ENPEP: variants seen among roughly 807,000 people sequenced by gnomAD.
ENPEP encodes the protein AP-A.
In ENPEP, 103 loss-of-function variants were observed where a neutral mutation model predicts 114.5. That is an observed-to-expected ratio of 0.90 (90% CI 0.77 to 1.06). The LOEUF (loss-of-function observed/expected upper bound fraction) is 1.06. ENPEP is among the 50% of genes least tolerant of loss of function. ENPEP has a pLI of 0.00. For synonymous variants in ENPEP, 420 were observed against 422.0 expected (o/e 1.00, Z 0.06); for missense variants, 1,196 against 1,161.3 (o/e 1.03, Z -0.43).
chr4:110,534,135 C>T (rs1175091413), intron 11 of ENPEP, among the ~76,000 whole-genome samples: 1 of 152,192 alleles, frequency 6.6e-6, no homozygotes, highest in African/African-American at 2.4e-5. Flanking sequence ...AATGGGCAAC[C>T]AGCTCATGTT....
intron 11 of ENPEP, among the ~76,000 whole-genome samples, chr4:110,534,808 C>T (rs955668832): frequency 1.3e-5 from 2 of 151,804 alleles, no homozygotes; most frequent in Non-Finnish European, 2.9e-5. Context: ...CGCGCCTGGC[C>T]TCTCTTTTTT....
At chr4:110,499,279 T>C (rs1314779409) in intron 3 of ENPEP, among the ~76,000 whole-genome samples, 1 of 152,220 alleles carries the variant, frequency 6.6e-6, no homozygotes, top group Non-Finnish European at 1.5e-5. Context: ...TTATGTGTTA[T>C]TTAATACTCG....
At chr4:110,540,547 A>G (rs2110384579) in intron 11 of ENPEP, among the ~76,000 whole-genome samples, 1 of 152,250 alleles carries the variant, frequency 6.6e-6, no homozygotes, top group South Asian at 2.1e-4. Flanking sequence ...GCTATTGACA[A>G]CTGTTCCAAA....
In ENPEP at chr4:110,561,553, G is replaced by T; in HGVS notation, c.2869G>T (p.Gly957Cys). The T allele has an allele frequency of 6.2e-7, 1 of 1,609,924 alleles. No homozygotes were observed. The highest frequency in any genetic ancestry group is 8.5e-7 in the Non-Finnish European group (1 of 1,178,872). ...REWFFNLLESG is the reference protein window; with the variant it reads ...REWFFNLLESC Reference sequence around the variant, plus strand: ...ATGGTTTTTTAATTTACTTGAGAGTGGTTAATGTATTCAAATGTTAGAGTT... The same window carrying T: ...ATGGTTTTTTAATTTACTTGAGAGTTGTTAATGTATTCAAATGTTAGAGTT... The change falls in exon 20 of 20, where the codon GGT becomes TGT. Residue 957 changes from glycine (G) to cysteine (C), a missense_variant. By Grantham distance (159) the Gly-to-Cys change is radical. Transcript: ENST00000265162.
chr4:110,549,995 A>G (rs867212653), intron 17 of ENPEP, 109 bp downstream of exon 17: 1 of 1,093,894 alleles, frequency 9.1e-7, no homozygotes, highest in Non-Finnish European at 1.3e-6. Flanking sequence ...AAAAAAATCC[A>G]TTAAAAGTTA....
chr4:110,504,068 G>T (rs917155374), intron 3 of ENPEP, among the ~76,000 whole-genome samples: 3 of 152,220 alleles, frequency 2.0e-5, no homozygotes, highest in African/African-American at 7.2e-5. Flanking sequence ...CTTGGAGCAA[G>T]CTCAGGCTTT....
intron 3 of ENPEP, among the ~76,000 whole-genome samples, chr4:110,503,932 G>T (rs1432844470): frequency 6.6e-6 from 1 of 152,172 alleles, no homozygotes. Flanking sequence ...CAGCCACAAG[G>T]CTCCTCTGTG....
chr4:110,562,568 T>C lies in ENPEP; in HGVS notation c.*1010T>C, dbSNP rs1347182224. 6.6e-6 allele frequency: 1 copy of C among 152,180 alleles called. No homozygotes were observed. The highest frequency in any genetic ancestry group is 2.4e-5 in the African/African-American group (1 of 41,464). The allele number at this position is 152,180 out of a possible 1,614,324, so 9.4% of individuals were successfully genotyped here. ...GACCTGTGGGCATCCCCAGCATGACTCTGCATATCTGAGCATATATCTCCT... is the reference window on the plus strand; with the variant it reads ...GACCTGTGGGCATCCCCAGCATGACCCTGCATATCTGAGCATATATCTCCT... On this transcript the variant is annotated 3_prime_UTR_variant, in exon 20 of 20. Transcript: ENST00000265162.
At chr4:110,550,779 ATACT>A (rs1432822989) in intron 17 of ENPEP, among the ~76,000 whole-genome samples, 8 of 152,268 alleles carry the variant, frequency 5.3e-5, no homozygotes, top group South Asian at 2.1e-4. Context: ...TATCCTTGAG[ATACT>A]TACAGCTTCA....
intron 4 of ENPEP, among the ~76,000 whole-genome samples, chr4:110,508,672 G>A (rs1162277801): frequency 6.6e-6 from 1 of 152,126 alleles, no homozygotes; most frequent in Non-Finnish European, 1.5e-5. Context: ...TTAGCCAGGC[G>A]CGGTGGCGGG....
chr4:110,492,087 T>G (rs1448546477), intron 3 of ENPEP, among the ~76,000 whole-genome samples: 1 of 152,098 alleles, frequency 6.6e-6, no homozygotes, highest in East Asian at 1.9e-4. Context: ...GAGGCCCCCA[T>G]TTTGCTTATA....
At chr4:110,496,283 G>A (rs1369748610) in intron 3 of ENPEP, among the ~76,000 whole-genome samples, 5 of 152,072 alleles carry the variant, frequency 3.3e-5, no homozygotes, top group East Asian at 3.9e-4. Flanking sequence ...TTTGATTTAT[G>A]TATTTCTCTT....
chr4:110,538,057 T>G (rs1204957427), intron 11 of ENPEP, among the ~76,000 whole-genome samples: 1 of 152,214 alleles, frequency 6.6e-6, no homozygotes, highest in Non-Finnish European at 1.5e-5. Context: ...AGCATAATTC[T>G]TAAGGGCCTT....
rs1408658390 is a variant in ENPEP, at chr4:110,510,270, A to G, written c.1220A>G (p.Asp407Gly). Residue 407 changes from aspartate (D) to glycine (G), a missense_variant, in exon 6 of 20, where the codon GAC becomes GGC. Transcript: ENST00000265162. ...TGGTTTGGAAATATTGTGACCATGGACTGGTGGGAAGACTTGTGGCTAAAT... is the reference window on the plus strand; with the variant it reads ...TGGTTTGGAAATATTGTGACCATGGGCTGGTGGGAAGACTTGTGGCTAAAT... ...HQWFGNIVTMDWWEDLWLNEG... is the reference protein window; with the variant it reads ...HQWFGNIVTMGWWEDLWLNEG... 1 of 1,614,114 alleles carries G rather than the reference A, an allele frequency of 6.2e-7. No homozygotes were observed. Among genetic ancestry groups the G allele is most frequent in the Non-Finnish European group, 8.5e-7 (1 of 1,179,996 alleles).
intron 10 of ENPEP, among the ~76,000 whole-genome samples, chr4:110,527,369 C>T (rs962983408): frequency 2.0e-5 from 3 of 151,990 alleles, no homozygotes; most frequent in African/African-American, 7.3e-5. Flanking sequence ...TGCTATAATG[C>T]GAGTTCTGAA....
intron 10 of ENPEP, among the ~76,000 whole-genome samples, chr4:110,524,933 A>G (rs1007348293): frequency 2.0e-5 from 3 of 152,120 alleles, no homozygotes; most frequent in African/African-American, 7.2e-5. Context: ...TAATGTGTAA[A>G]AAAGTTTTTG....
chr4:110,540,062 A>T lies in ENPEP; in HGVS notation c.1808-2689A>T, dbSNP rs530348744. Among the ~76,000 whole-genome samples the T allele has an allele frequency of 4.6e-5, 7 of 152,288 alleles. No homozygotes were observed. In the South Asian group the frequency reaches 1.5e-3, roughly 32 times the overall value. ...TTTTCTAGAAAGAGCTCCTACTCAG[A>T]AATAACTCATTCAATACTTTTTGGC... On this transcript the variant is annotated intron_variant, in intron 11 of 19. Coordinates refer to ENST00000265162, the MANE Select transcript of ENPEP (RefSeq NM_001977.4).
chr4:110,490,728 T>C (rs1191782758), intron 2 of ENPEP, among the ~76,000 whole-genome samples: 2 of 152,226 alleles, frequency 1.3e-5, no homozygotes, highest in Admixed American at 6.5e-5. Flanking sequence ...TCTGAAATAT[T>C]ATGGTCAGCA....
intron 13 of ENPEP, among the ~76,000 whole-genome samples, chr4:110,543,734 G>A (rs978239395): frequency 1.3e-5 from 2 of 151,866 alleles, no homozygotes; most frequent in African/African-American, 4.8e-5. Flanking sequence ...TGAGGACACA[G>A]CCAATTTTAT....
Sources: allele counts gnomAD v4.1 joint callset (sites outside exome capture counted in the v4.1 genomes callset), GRCh38; gene constraint gnomAD v4.1.1; transcripts MANE v1.5; gene names NCBI Gene and HGNC (gene_info 2026-07-23, HGNC 2026-07-21).